NMT2: variants seen among roughly 807,000 people sequenced by gnomAD.
NMT2 encodes glycylpeptide N-tetradecanoyltransferase 2.
In NMT2, 35 loss-of-function variants were observed where a neutral mutation model predicts 65.4. That is an observed-to-expected ratio of 0.54 (90% CI 0.41 to 0.71). The LOEUF (loss-of-function observed/expected upper bound fraction) is 0.71, where lower values mean the gene tolerates loss of function less well. Among genes scored for constraint, NMT2 ranks in the 30% least tolerant of loss-of-function variants. The pLI, the probability that NMT2 is intolerant of heterozygous loss-of-function variation, is 0.00. For missense variants in NMT2, 489 were observed against 611.3 expected (o/e 0.80, Z 2.11); for synonymous variants, 226 against 231.8 (o/e 0.98, Z 0.23).
Position 15,128,359 on chromosome 10 carries a change from T to C in NMT2, c.990A>G (p.Arg330=), listed in dbSNP as rs1846167000. ...MTLQRTMKLY[R]LPDVTKTSGL... is the part of the protein sequence containing the mutation. ...AATCATTCTTACTTACATCTGGAAG[T>C]CTGTATAGCTTCATTGTTCTCTGTA... The change falls in exon 8 of 12, where the codon AGA becomes AGG. Residue 330 remains arginine, a synonymous_variant. Transcript: ENST00000378165. The C allele has an allele frequency of 4.5e-6, 7 of 1,561,532 alleles. No individual in the cohort carries two copies. In the African/African-American group the frequency reaches 5.4e-5, roughly 12 times the overall value.
chr10:15,162,897 G>A (rs984070594), intron 1 of NMT2, among the ~76,000 whole-genome samples: 1 of 147,440 alleles, frequency 6.8e-6, no homozygotes, highest in African/African-American at 2.5e-5. Context: ...TTATATATGT[G>A]ATATATATAA....
intron 9 of NMT2, among the ~76,000 whole-genome samples, chr10:15,115,679 C>T (rs897302321): frequency 6.6e-6 from 1 of 152,044 alleles, no homozygotes; most frequent in African/African-American, 2.4e-5. Context: ...GAAACATGAC[C>T]CAGCTATAGG....
intron 1 of NMT2, 93 bp from the exon 2 acceptor site, chr10:15,141,650 A>G: frequency 6.9e-7 from 1 of 1,445,642 alleles, no homozygotes; most frequent in Non-Finnish European, 9.2e-7. Flanking sequence ...CAAAAAACAC[A>G]GCTGTTACAT....
At chr10:15,154,903 T>C in intron 1 of NMT2, 1 of 890,544 alleles carries the variant, frequency 1.1e-6, no homozygotes, top group Non-Finnish European at 1.9e-6. Flanking sequence ...TCTTTCACCC[T>C]GCCAGAGACC....
chr10:15,133,013 G>A lies in NMT2; in HGVS notation c.602+40C>T, dbSNP rs78410471. 4.9e-3 allele frequency: 7,800 copies of A among 1,597,034 alleles called. 266 individuals carry two copies. In the African/African-American group the frequency reaches 0.078, roughly 16 times the overall value. On this transcript the variant is annotated intron_variant, in intron 5 of 11. Transcript: ENST00000378165. ...AACAGACGCAGGAGTCCCCAAGTCA[G>A]CAGCGCCTATCCACGACATCTGTGA...
At chr10:15,165,715 TA>T (rs1310725925) in intron 1 of NMT2, among the ~76,000 whole-genome samples, 1 of 151,870 alleles carries the variant, frequency 6.6e-6, no homozygotes, top group Non-Finnish European at 1.5e-5. Flanking sequence ...CCATCTCTAC[TA>T]AAAATACAAA....
intron 1 of NMT2, among the ~76,000 whole-genome samples, chr10:15,149,010 A>G (rs1196805787): frequency 6.6e-6 from 1 of 152,148 alleles, no homozygotes; most frequent in African/African-American, 2.4e-5. Flanking sequence ...ATGTAAACTG[A>G]AACAACCACT....
At chr10:15,110,234 C>T (rs1027456998) in intron 10 of NMT2, among the ~76,000 whole-genome samples, 3 of 151,742 alleles carry the variant, frequency 2.0e-5, no homozygotes, top group South Asian at 4.2e-4. Flanking sequence ...GATTGTGCCA[C>T]GGCACTCCAG....
chr10:15,136,616 C>G (rs1381946836), intron 2 of NMT2, among the ~76,000 whole-genome samples: 1 of 152,146 alleles, frequency 6.6e-6, no homozygotes, highest in Admixed American at 6.6e-5. Flanking sequence ...TCTCCTGACC[C>G]TCCTGATCCT....
At chr10:15,115,538 C>A (rs1845715765) in intron 9 of NMT2, among the ~76,000 whole-genome samples, 1 of 152,034 alleles carries the variant, frequency 6.6e-6, no homozygotes, top group African/African-American at 2.4e-5. Context: ...AACAGAGGAA[C>A]AAGAACCAGA....
chr10:15,127,878 C>A (rs1247057925), intron 8 of NMT2, among the ~76,000 whole-genome samples: 2 of 144,930 alleles, frequency 1.4e-5, no homozygotes, highest in Admixed American at 6.9e-5. Context: ...GCTGAAGGGG[C>A]AACAGAGCAA....
intron 1 of NMT2, among the ~76,000 whole-genome samples, chr10:15,147,089 C>T (rs1487535197): frequency 8.1e-5 from 7 of 86,092 alleles, no homozygotes; most frequent in Admixed American, 3.6e-4. Flanking sequence ...AAGATCCTCT[C>T]GCTCTCAAAA....
At chr10:15,114,857 G>A (rs903865601) in intron 9 of NMT2, among the ~76,000 whole-genome samples, 1 of 152,090 alleles carries the variant, frequency 6.6e-6, no homozygotes, top group African/African-American at 2.4e-5. Context: ...CAAAACATTA[G>A]CAGGGTGTGG....
chr10:15,168,660 G>C lies in NMT2; in HGVS notation c.-48C>G. The C allele has an allele frequency of 1.4e-6, 2 of 1,445,362 alleles. No individual in the cohort carries two copies. The highest frequency in any genetic ancestry group is 9.4e-7 in the Non-Finnish European group (1 of 1,066,904). The allele number at this position is 1,445,362 out of a possible 1,614,324, so 89.5% of individuals were successfully genotyped here. On this transcript the variant is annotated 5_prime_UTR_variant, in exon 1 of 12. Transcript: ENST00000378165. The stretch of plus-strand genomic sequence containing the variant: ...GCGGTGCTCGGGGCCGGGCCGGAGC[G>C]GCCGCAGCTCCCTCTAGTGCCTCCC...
At chr10:15,162,335 G>A (rs1833228007) in intron 1 of NMT2, among the ~76,000 whole-genome samples, 3 of 151,282 alleles carry the variant, frequency 2.0e-5, no homozygotes, top group Non-Finnish European at 4.4e-5. Context: ...CCAAAGACAG[G>A]AAATAAAATA....
chr10:15,113,799 C>A (rs1426935443), intron 9 of NMT2, among the ~76,000 whole-genome samples: 1 of 152,138 alleles, frequency 6.6e-6, no homozygotes, highest in African/African-American at 2.4e-5. Flanking sequence ...ATGTGAACAA[C>A]TGGAGAATTT....
intron 2 of NMT2, among the ~76,000 whole-genome samples, chr10:15,140,017 C>G (rs554549520): frequency 7.3e-5 from 11 of 151,246 alleles, no homozygotes; most frequent in African/African-American, 2.7e-4. Flanking sequence ...GAAGGAAGTG[C>G]AGTACCCAGG....
intron 1 of NMT2, among the ~76,000 whole-genome samples, chr10:15,152,725 C>T (rs1467861895): frequency 6.6e-6 from 1 of 152,200 alleles, no homozygotes; most frequent in African/African-American, 2.4e-5. Context: ...AATAAAGACA[C>T]TCATCCCCAG....
chr10:15,128,319 C>T (rs777056577), intron 8 of NMT2, 31 bp downstream of exon 8: 1 of 1,268,980 alleles, frequency 7.9e-7, no homozygotes, highest in South Asian at 1.2e-5. Flanking sequence ...GTTGTTACAG[C>T]TTCAAAAAAC....
Sources: allele counts gnomAD v4.1 joint callset (sites outside exome capture counted in the v4.1 genomes callset), GRCh38; gene constraint gnomAD v4.1.1; transcripts MANE v1.5; gene names NCBI Gene and HGNC (gene_info 2026-07-23, HGNC 2026-07-21).